Variants in ANKHD1 observed in about 807,000 individuals in gnomAD.
The protein encoded by ANKHD1 is ankyrin repeat and KH domain containing 1, also known as ankyrin repeat and KH domain-containing protein 1.
A neutral mutation model predicts 230.5 loss-of-function variants in ANKHD1; 31 were observed. The ratio of observed to expected loss-of-function variants is 0.13; its 90% CI spans 0.10 to 0.18. The LOEUF (loss-of-function observed/expected upper bound fraction) is 0.18. ANKHD1 is among the 10% of genes least tolerant of loss of function. The pLI, the probability that ANKHD1 is intolerant of heterozygous loss-of-function variation, is 1.00. For synonymous variants in ANKHD1, 1,074 were observed against 1,117.6 expected, an observed-to-expected ratio of 0.96 and a Z score of 0.78; for missense variants, 2,256 against 3,071.3, an observed-to-expected ratio of 0.73 and a Z score of 6.27.
rs529396348 is a variant in ANKHD1, at chr5:140,504,635, C to T, written c.3005-186C>T. ...ATTGAAGCTCAGAGAAGTTAAATTA[C>T]TTGCCCAAGATCAGAAAGTCAGTGT... On this transcript the variant is annotated intron_variant, in intron 15 of 33. Transcript: ENST00000360839. 12 of 759,748 alleles carry T rather than the reference C, an allele frequency of 1.6e-5. No homozygotes were observed. The African/African-American group carries it at 1.6e-4, about 10-fold the overall frequency. 47.1% of individuals were successfully genotyped at this position (759,748 alleles called of 1,614,324 possible). A position where few individuals can be genotyped will look rare whatever the true frequency, so the allele number is the denominator to read the frequency against.
chr5:140,454,946 C>A (rs998223292), intron 7 of ANKHD1, among the ~76,000 whole-genome samples: 1 of 151,674 alleles, frequency 6.6e-6, no homozygotes, highest in African/African-American at 2.4e-5. Context: ...TTGAAAAGAT[C>A]AACAAAGTTG....
At chr5:140,502,645 A>G (rs1252402675) in intron 15 of ANKHD1, among the ~76,000 whole-genome samples, 4 of 152,184 alleles carry the variant, frequency 2.6e-5, no homozygotes, top group Admixed American at 6.5e-5. Context: ...GTTCTGTAAC[A>G]TATTAATCTT....
intron 14 of ANKHD1, among the ~76,000 whole-genome samples, chr5:140,492,274 A>G (rs1751842833): frequency 6.6e-6 from 1 of 152,224 alleles, no homozygotes; most frequent in Non-Finnish European, 1.5e-5. Flanking sequence ...CTTTTAACAT[A>G]TAACTGCTTA....
chr5:140,423,575 G>A (rs147543266), intron 1 of ANKHD1, among the ~76,000 whole-genome samples: 1 of 152,274 alleles, frequency 6.6e-6, no homozygotes, highest in African/African-American at 2.4e-5. Flanking sequence ...ATGCTTCAGG[G>A]CCTTTGGCAC....
chr5:140,414,853 T>A (rs936117837), intron 1 of ANKHD1, among the ~76,000 whole-genome samples: 1 of 136,068 alleles, frequency 7.3e-6, no homozygotes, highest in Non-Finnish European at 1.6e-5. Flanking sequence ...AAAAAAAAAA[T>A]TGTGTTGTTT....
Position 140,404,519 on chromosome 5 carries a change from G to A in ANKHD1, c.306+2246G>A, listed in dbSNP as rs549320512. ...TCGATCTTGGCTCACTGCAACCCCC[G>A]TCTCCCAGGTTCAAGCTATTTTCCT... is the stretch of plus-strand genomic sequence containing the variant. On this transcript the variant is annotated intron_variant, in intron 1 of 33. Transcript: ENST00000360839. Among the ~76,000 whole-genome samples the A allele has an allele frequency of 2.4e-4, 37 of 151,614 alleles. No homozygotes were observed. The East Asian group carries it at 3.5e-3, about 14-fold the overall frequency.
At chr5:140,493,354 C>T (rs1243952385) in intron 14 of ANKHD1, among the ~76,000 whole-genome samples, 4 of 152,142 alleles carry the variant, frequency 2.6e-5, no homozygotes, top group Middle Eastern at 3.2e-3. Context: ...TGTGAGCCAC[C>T]GCACCCGGCC....
At chr5:140,496,471 T>C in intron 14 of ANKHD1, 49 bp from the exon 15 acceptor site, 1 of 1,071,424 alleles carries the variant, frequency 9.3e-7, no homozygotes. Context: ...CTTTTTTTTT[T>C]TTTTTTTTTT....
chr5:140,403,092 C>T (rs767259898), intron 1 of ANKHD1, among the ~76,000 whole-genome samples: 5 of 150,512 alleles, frequency 3.3e-5, no homozygotes, highest in Non-Finnish European at 5.9e-5. Context: ...GCCTCAGCCT[C>T]CCGAGTAGCT....
Position 140,529,727 on chromosome 5 carries a change from A to G in ANKHD1, c.6781A>G (p.Met2261Val), listed in dbSNP as rs529038542. The change falls in exon 29 of 34, where the codon ATG becomes GTG. Residue 2261 changes from methionine (M) to valine (V), a missense_variant. Around this residue, in one of 13 missense-constraint regions of ANKHD1, gnomAD observed 778 missense variants for 966.5 expected, o/e 0.80. Coordinates refer to ENST00000360839, the MANE Select transcript of ANKHD1 (RefSeq NM_017747.3). The part of the protein sequence containing the change: ...GNSVLGHLEN[M>V]HPDNSKAPGF... ...CTCAGTGCTTGGACACTTGGAAAAC[A>G]TGCACCCTGATAACTCAAAGGCACC... 1.7e-5 allele frequency: 28 copies of G among 1,614,134 alleles called. No homozygotes were observed. In the South Asian group the frequency reaches 3.1e-4, roughly 18 times the overall value.
intron 10 of ANKHD1, among the ~76,000 whole-genome samples, chr5:140,469,424 T>C (rs1222039122): frequency 6.6e-6 from 1 of 151,828 alleles, no homozygotes; most frequent in East Asian, 1.9e-4. Flanking sequence ...GGTGGATTGC[T>C]TGAGCCCAGG....
intron 9 of ANKHD1, among the ~76,000 whole-genome samples, chr5:140,459,817 T>A (rs1274054575): frequency 1.3e-5 from 2 of 152,162 alleles, no homozygotes. Flanking sequence ...AAAAGACTTA[T>A]ATTGCTTTCT....
chr5:140,409,077 G>C (rs1198328506), intron 1 of ANKHD1, among the ~76,000 whole-genome samples: 1 of 152,112 alleles, frequency 6.6e-6, no homozygotes, highest in Admixed American at 6.6e-5. Context: ...ATGTCTCCTA[G>C]GGACAAAATC....
chr5:140,425,881 G>A (rs1406191414), intron 1 of ANKHD1, among the ~76,000 whole-genome samples: 1 of 152,112 alleles, frequency 6.6e-6, no homozygotes, highest in Non-Finnish European at 1.5e-5. Flanking sequence ...ATGTCCTTCA[G>A]TAATTACTTC....
rs757219840 is a variant in ANKHD1, at chr5:140,496,852, A to G, written c.2578A>G (p.Thr860Ala). 4.3e-6 allele frequency: 7 copies of G among 1,614,134 alleles called. No homozygotes were observed. The highest frequency in any genetic ancestry group is 5.9e-6 in the Non-Finnish European group (7 of 1,180,022). Reference sequence around the variant, plus strand: ...GCAATTTACCAAAGAATACTTGGAAACCAAAGGTCAGAAAGACACAGTGTC... The same window carrying G: ...GCAATTTACCAAAGAATACTTGGAAGCCAAAGGTCAGAAAGACACAGTGTC... ...QQQFTKEYLE[T>A]KGQKDTVSLH... is the part of the protein sequence containing the mutation. Residue 860 changes from threonine to alanine, a missense_variant, in exon 15 of 34, where the codon ACC (threonine) becomes GCC (alanine). Around this residue, in one of 13 missense-constraint regions of ANKHD1, gnomAD observed 358 missense variants for 397.7 expected, o/e 0.90. Transcript: ENST00000360839.
chr5:140,504,543 T>C (rs1752464935), intron 15 of ANKHD1, among the ~76,000 whole-genome samples: 2 of 152,204 alleles, frequency 1.3e-5, no homozygotes, highest in Admixed American at 6.5e-5. Flanking sequence ...CTGCATTGCC[T>C]CAGTGGTCTT....
chr5:140,507,693 C>T lies in ANKHD1; in HGVS notation c.3552-92C>T. 7.0e-7 allele frequency: 1 copy of T among 1,437,366 alleles called. No individual in the cohort carries two copies. The highest frequency in any genetic ancestry group is 9.4e-7 in the Non-Finnish European group (1 of 1,063,976). 89.0% of individuals were successfully genotyped at this position (1,437,366 alleles called of 1,614,324 possible). A position where few individuals can be genotyped will look rare whatever the true frequency, so the allele number is the denominator to read the frequency against. On this transcript the variant is annotated intron_variant, in intron 19 of 33. Transcript: ENST00000360839. This position sits in a 1 kb window ranked among gnomAD's most constrained non-coding sequence, Gnocchi z 4.1. ...ATCTATTCATTGATGTTAGAAACCT[C>T]TCTTTTTAGTGAAACCTTTTCATCT... is the stretch of plus-strand genomic sequence containing the variant.
Position 140,497,244 on chromosome 5 carries a change from G to A in ANKHD1, c.2970G>A (p.Gln990=). The change falls in exon 15 of 34, where the codon CAG becomes CAA. Residue 990 remains glutamine (Q), a synonymous_variant. Transcript: ENST00000360839. The part of the protein sequence containing the change: ...PDGLMVATPA[Q]TLTDTLDDLI... ...GACTAATGGTTGCAACTCCAGCTCA[G>A]ACGCTTACCGACACTCTTGATGACC... is the stretch of plus-strand genomic sequence containing the variant. 1 of 1,606,166 alleles carries A rather than the reference G, an allele frequency of 6.2e-7. No homozygotes were observed. The highest frequency in any genetic ancestry group is 8.5e-7 in the Non-Finnish European group (1 of 1,179,858).
At chr5:140,455,942 CAT>C (rs1775147719) in intron 7 of ANKHD1, among the ~76,000 whole-genome samples, 1 of 152,184 alleles carries the variant, frequency 6.6e-6, no homozygotes, top group African/African-American at 2.4e-5. Context: ...TTGCAGATCA[CAT>C]GATTGTATAT....
Sources: allele counts gnomAD v4.1 joint callset (sites outside exome capture counted in the v4.1 genomes callset), GRCh38; gene constraint gnomAD v4.1.1; regional missense constraint gnomAD v4.1.1; non-coding constraint Gnocchi (gnomAD v3.1); transcripts MANE v1.5; gene names NCBI Gene and HGNC (gene_info 2026-07-23, HGNC 2026-07-21).